Variants in DCC observed in about 807,000 individuals in gnomAD.
The protein encoded by DCC is netrin receptor DCC.
Under a neutral mutation model 172.5 loss-of-function variants are expected in DCC, and 58 were observed. The ratio of observed to expected loss-of-function variants is 0.34; its 90% CI spans 0.27 to 0.42. The LOEUF (loss-of-function observed/expected upper bound fraction) is 0.42. Ranked by LOEUF, DCC falls within the 10% of genes least tolerant of loss-of-function variation. The pLI, the probability that DCC is intolerant of heterozygous loss-of-function variation, is 1.00. For synonymous variants in DCC, 709 were observed against 644.5 expected, an observed-to-expected ratio of 1.10 and a Z score of -1.52; for missense variants, 1,740 against 1,791.0, an observed-to-expected ratio of 0.97 and a Z score of 0.51.
chr18:53,482,263 G>T lies in DCC; in HGVS notation c.3737-4534G>T, dbSNP rs56698776. On this transcript the variant is annotated intron_variant, in intron 25 of 28. Transcript: ENST00000442544. ...AAATACTTCAAGATCGAAGCTTTGG[G>T]ATACTGGCTATTCTATCTGATGTCA... is the stretch of plus-strand genomic sequence containing the variant. Among the ~76,000 whole-genome samples the T allele has an allele frequency of 5.7e-3, 865 of 152,234 alleles. 10 individuals carry two copies. Among genetic ancestry groups the T allele is most frequent in the African/African-American group, 0.02 (832 of 41,550 alleles).
intron 26 of DCC, among the ~76,000 whole-genome samples, chr18:53,492,063 T>C (rs2045965118): frequency 6.6e-6 from 1 of 152,238 alleles, no homozygotes; most frequent in South Asian, 2.1e-4. Flanking sequence ...TAATGACCAG[T>C]GATGATGAGC....
At chr18:53,208,005 G>T (rs1361959726) in intron 11 of DCC, among the ~76,000 whole-genome samples, 188 bp downstream of exon 11, 1 of 151,894 alleles carries the variant, frequency 6.6e-6, no homozygotes, top group Non-Finnish European at 1.5e-5. Flanking sequence ...AGTTCACACA[G>T]GTAATCCTAG....
chr18:52,834,075 A>T (rs1464453736), intron 2 of DCC, among the ~76,000 whole-genome samples: 1 of 152,162 alleles, frequency 6.6e-6, no homozygotes, highest in Non-Finnish European at 1.5e-5. Context: ...TCTGTGGCTT[A>T]GCACTGTGTG....
Position 53,530,757 on chromosome 18 carries a change from G to T in DCC, c.*104G>T, listed in dbSNP as rs1242297096. On this transcript the variant is annotated 3_prime_UTR_variant, in exon 29 of 29. Transcript: ENST00000442544. ...TCCAAGAACTCTAACCAGTGTACAG[G>T]TCACCCATCAGGACCACTCAGTTAA... 2.6e-6 allele frequency: 2 copies of T among 769,148 alleles called. No homozygotes were observed. Among genetic ancestry groups the T allele is most frequent in the Admixed American group, 1.8e-5 (1 of 56,716 alleles). 47.6% of individuals were successfully genotyped at this position (769,148 alleles called of 1,614,324 possible). A position where few individuals can be genotyped will look rare whatever the true frequency, so the allele number is the denominator to read the frequency against.
intron 21 of DCC, among the ~76,000 whole-genome samples, chr18:53,421,212 T>C (rs549414735): frequency 1.3e-5 from 2 of 152,336 alleles, no homozygotes; most frequent in East Asian, 1.9e-4. Flanking sequence ...CACTTTGAGA[T>C]GTCTTTGTAT....
intron 7 of DCC, among the ~76,000 whole-genome samples, chr18:53,101,444 C>G (rs2144218992): frequency 6.6e-6 from 1 of 152,170 alleles, no homozygotes; most frequent in Admixed American, 6.5e-5. Context: ...CCTTGGGACC[C>G]TTTAACAGCG....
At chr18:53,472,893 A>G (rs943996243) in intron 25 of DCC, among the ~76,000 whole-genome samples, 9 of 152,226 alleles carry the variant, frequency 5.9e-5, no homozygotes, top group Admixed American at 3.3e-4. Flanking sequence ...AGCATATCAT[A>G]TTGGAATCTA....
chr18:53,381,690 A>C (rs1907754573), intron 15 of DCC, among the ~76,000 whole-genome samples: 5 of 151,404 alleles, frequency 3.3e-5, no homozygotes. Flanking sequence ...GTATATTGGC[A>C]TGTAGTTGGG....
intron 1 of DCC, among the ~76,000 whole-genome samples, chr18:52,709,045 T>G (rs1005710067): frequency 2.0e-5 from 3 of 152,180 alleles, no homozygotes; most frequent in Non-Finnish European, 4.4e-5. Context: ...CTCTTCTTTT[T>G]CGCTACCTCC....
chr18:53,035,328 T>G (rs531055132), intron 5 of DCC, among the ~76,000 whole-genome samples: 1 of 152,192 alleles, frequency 6.6e-6, no homozygotes, highest in African/African-American at 2.4e-5. Context: ...TCCCTGAGAA[T>G]GGGAATTTCT....
At chr18:53,410,355 T>TTTAC in intron 19 of DCC, 97 bp from the exon 20 acceptor site, 5 of 787,748 alleles carry the variant, frequency 6.3e-6, no homozygotes, top group Non-Finnish European at 1.2e-5. Flanking sequence ...GGACATATAA[T>TTTAC]AATTATTGTA....
intron 5 of DCC, among the ~76,000 whole-genome samples, chr18:53,004,179 T>C (rs1487810231): frequency 1.3e-5 from 2 of 152,154 alleles, no homozygotes; most frequent in Admixed American, 6.6e-5. Flanking sequence ...GTTTAGGGAG[T>C]CTGTGAAATC....
chr18:53,393,918 T>TCTCTCTCTCTCTCTCTCTCC (rs1206586156), intron 17 of DCC, among the ~76,000 whole-genome samples: 1 of 151,740 alleles, frequency 6.6e-6, no homozygotes, highest in South Asian at 2.1e-4. Flanking sequence ...TCTCTCCCTC[T>TCTCTCTCTCTCTCTCTCTCC]CTCCCTCCCT....
intron 1 of DCC, among the ~76,000 whole-genome samples, chr18:52,475,587 C>A (rs1453215782): frequency 6.6e-6 from 1 of 152,108 alleles, no homozygotes; most frequent in African/African-American, 2.4e-5. Flanking sequence ...TTCTCATCAG[C>A]ATCTCCTTTC....
intron 5 of DCC, among the ~76,000 whole-genome samples, chr18:52,958,807 G>T (rs753183540): frequency 6.6e-6 from 1 of 152,120 alleles, no homozygotes; most frequent in African/African-American, 2.4e-5. Context: ...TTCATTTGTG[G>T]ATACTCTGCT....
chr18:53,471,147 A>T (rs941101247), intron 25 of DCC, among the ~76,000 whole-genome samples: 6 of 152,128 alleles, frequency 3.9e-5, no homozygotes, highest in Non-Finnish European at 8.8e-5. Context: ...TAGCTTTTTG[A>T]AAAACAAAAA....
chr18:53,330,590 G>C (rs2057519741), intron 14 of DCC, among the ~76,000 whole-genome samples: 1 of 152,082 alleles, frequency 6.6e-6, no homozygotes, highest in Non-Finnish European at 1.5e-5. Context: ...GACGATGTCA[G>C]TTCGCTGCTC....
intron 25 of DCC, among the ~76,000 whole-genome samples, chr18:53,472,026 C>T (rs986521630): frequency 6.6e-6 from 1 of 152,134 alleles, no homozygotes; most frequent in Non-Finnish European, 1.5e-5. Context: ...GCACTCAATA[C>T]CATTTAGTCA....
At position 52,711,967 on chromosome 18, in the gene DCC, A is replaced by ATTT. The variant is rs74178681; in HGVS notation, c.92-40076_92-40074dup. 1.0e-3 allele frequency among the ~76,000 whole-genome samples: 147 copies of ATTT among 147,382 alleles called. 1 individual carries two copies. Among genetic ancestry groups the ATTT allele is most frequent in the African/African-American group, 3.1e-3 (127 of 40,418 alleles). ...TCAAGGTAAAATAGTTTCCCACTTAATTTTTTTTTTTTTGAGACGGAGTCT... is the reference window on the plus strand; with the variant it reads ...TCAAGGTAAAATAGTTTCCCACTTAATTTTTTTTTTTTTTTTGAGACGGAGTCT... On this transcript the variant is annotated intron_variant, in intron 1 of 28. Coordinates refer to ENST00000442544, the MANE Select transcript of DCC (RefSeq NM_005215.4).
Sources: allele counts gnomAD v4.1 joint callset (sites outside exome capture counted in the v4.1 genomes callset), GRCh38; gene constraint gnomAD v4.1.1; transcripts MANE v1.5; gene names NCBI Gene and HGNC (gene_info 2026-07-23, HGNC 2026-07-21).